AUTS2: variants seen among roughly 807,000 people sequenced by gnomAD.
AUTS2 encodes the protein activator of transcription and developmental regulator AUTS2.
Under a neutral mutation model 112.4 loss-of-function variants are expected in AUTS2, and 17 were observed. The observed-to-expected ratio is 0.15, with a 90% CI of 0.10 to 0.23. The LOEUF (loss-of-function observed/expected upper bound fraction) is 0.23, where lower values mean the gene tolerates loss of function less well. AUTS2 is among the 10% of genes least tolerant of loss of function. The probability of loss-of-function intolerance (pLI) is 1.00; values close to 1 mark genes in which losing one functional copy is unlikely to be tolerated. For missense variants in AUTS2, 1,510 were observed against 1,701.6 expected, an observed-to-expected ratio of 0.89 and a Z score of 1.98; for synonymous variants, 751 against 702.7, an observed-to-expected ratio of 1.07 and a Z score of -1.09.
chr7:70,049,129 G>A lies in AUTS2; in HGVS notation c.523-69003G>A, dbSNP rs188863826. Among the ~76,000 whole-genome samples, 220 of 152,168 alleles carry A rather than the reference G, an allele frequency of 1.4e-3. 1 individual carries two copies. The highest frequency in any genetic ancestry group is 5.0e-3 in the African/African-American group (208 of 41,500). ...TTTTGAGTGGGCTAGTTAAATAGAC[G>A]ACACTCCCATCATGCATTATTTAAC... On this transcript the variant is annotated intron_variant, in intron 2 of 18. Transcript: ENST00000342771.
In AUTS2 at chr7:70,426,622, G is replaced by A. The variant is rs1460027725; in HGVS notation, c.661-9130G>A. Among the ~76,000 whole-genome samples the A allele has an allele frequency of 2.0e-5, 3 of 152,224 alleles. No individual in the cohort carries two copies. The East Asian group carries it at 5.8e-4, about 29-fold the overall frequency. Reference sequence around the variant, plus strand: ...GTTGATTAAATCATCATCAAGTCGGGCCTCAGAAAGTCAATTCTGCTTGCC... The same window carrying A: ...GTTGATTAAATCATCATCAAGTCGGACCTCAGAAAGTCAATTCTGCTTGCC... On this transcript the variant is annotated intron_variant, in intron 4 of 18. Coordinates refer to ENST00000342771, the MANE Select transcript of AUTS2 (RefSeq NM_015570.4).
intron 2 of AUTS2, among the ~76,000 whole-genome samples, chr7:69,921,359 A>G (rs1470011892): frequency 1.4e-5 from 2 of 143,160 alleles, no homozygotes; most frequent in Non-Finnish European, 3.0e-5. Context: ...TTTTAACCGT[A>G]ATAACTAGGA....
intron 1 of AUTS2, among the ~76,000 whole-genome samples, chr7:69,653,598 T>C (rs1469822075): frequency 3.3e-5 from 5 of 151,898 alleles, no homozygotes; most frequent in Admixed American, 3.3e-4. Context: ...TTACTTTAAT[T>C]CTCTGTATGT....
At chr7:69,725,774 C>A (rs1786480163) in intron 1 of AUTS2, among the ~76,000 whole-genome samples, 1 of 152,150 alleles carries the variant, frequency 6.6e-6, no homozygotes, top group African/African-American at 2.4e-5. Flanking sequence ...ATTTCAGCAT[C>A]TCCTGAAATA....
intron 4 of AUTS2, among the ~76,000 whole-genome samples, chr7:70,152,180 C>T (rs756881959): frequency 2.0e-5 from 3 of 152,008 alleles, no homozygotes; most frequent in South Asian, 2.1e-4. Flanking sequence ...ACAGAGCATC[C>T]GTGAGCTGTG....
Position 69,688,455 on chromosome 7 carries a change from G to A in AUTS2, c.309+88493G>A, listed in dbSNP as rs190811881. Among the ~76,000 whole-genome samples the A allele has an allele frequency of 6.6e-5, 10 of 152,284 alleles. No homozygotes were observed. The East Asian group carries it at 1.9e-3, about 29-fold the overall frequency. On this transcript the variant is annotated intron_variant, in intron 1 of 18. Transcript: ENST00000342771. The stretch of plus-strand genomic sequence containing the variant: ...CAGGCTGTGCATAACAATATATTCT[G>A]CCCTTGGGAAGAGGGTTCATGTTTG...
At chr7:69,938,662 A>G (rs1796508855) in intron 2 of AUTS2, among the ~76,000 whole-genome samples, 1 of 152,208 alleles carries the variant, frequency 6.6e-6, no homozygotes, top group South Asian at 2.1e-4. Context: ...TAACCTAGGG[A>G]AGTGCAATGA....
chr7:70,472,506 T>G (rs914746609), intron 5 of AUTS2, among the ~76,000 whole-genome samples: 1 of 152,092 alleles, frequency 6.6e-6, no homozygotes, highest in South Asian at 2.1e-4. Flanking sequence ...ATGTTTACAT[T>G]GTAACTGATT....
intron 4 of AUTS2, among the ~76,000 whole-genome samples, chr7:70,169,655 T>C (rs1297160923): frequency 6.6e-6 from 1 of 152,214 alleles, no homozygotes. Flanking sequence ...TTTTTTAAAA[T>C]TATGAGTGCC....
At chr7:70,527,902 G>A (rs758840629) in intron 5 of AUTS2, among the ~76,000 whole-genome samples, 11 of 152,130 alleles carry the variant, frequency 7.2e-5, no homozygotes, top group African/African-American at 2.7e-4. Context: ...GAGACAAATT[G>A]TGTGGGCATT....
At chr7:69,927,685 G>A (rs1796076277) in intron 2 of AUTS2, among the ~76,000 whole-genome samples, 1 of 152,198 alleles carries the variant, frequency 6.6e-6, no homozygotes, top group South Asian at 2.1e-4. Flanking sequence ...GCAGGGTCTG[G>A]CCACTGCACA....
intron 3 of AUTS2, among the ~76,000 whole-genome samples, chr7:70,132,142 G>T (rs1333001753): frequency 8.5e-6 from 1 of 118,276 alleles, no homozygotes; most frequent in African/African-American, 3.2e-5. Context: ...AATCAAAACT[G>T]AATACCATGC....
At chr7:69,675,228 C>A (rs1478610128) in intron 1 of AUTS2, among the ~76,000 whole-genome samples, 1 of 152,198 alleles carries the variant, frequency 6.6e-6, no homozygotes, top group Non-Finnish European at 1.5e-5. Flanking sequence ...ATGTGGCCTA[C>A]TTCCTTGATG....
At chr7:69,896,108 T>C (rs1584407719) in intron 1 of AUTS2, among the ~76,000 whole-genome samples, 1 of 152,266 alleles carries the variant, frequency 6.6e-6, no homozygotes, top group Non-Finnish European at 1.5e-5. Flanking sequence ...TTATGGCAGC[T>C]ATTTTGGTTA....
rs1171795068 is a variant in AUTS2 at position 69,984,341 on chromosome 7, A to G, written c.522+84843A>G. Among the ~76,000 whole-genome samples the G allele has an allele frequency of 7.2e-4, 105 of 145,778 alleles. 1 individual carries two copies. Among genetic ancestry groups the G allele is most frequent in the Non-Finnish European group, 1.2e-4 (8 of 67,184 alleles). ...AGAATGGCGTGAACTCAGGAGGTGG[A>G]GCTTGCAGTGAGCCAAGATCACGCC... On this transcript the variant is annotated intron_variant, in intron 2 of 18. Transcript: ENST00000342771.
intron 1 of AUTS2, among the ~76,000 whole-genome samples, chr7:69,787,360 A>G (rs1789423255): frequency 1.3e-5 from 2 of 152,260 alleles, no homozygotes; most frequent in African/African-American, 2.4e-5. Flanking sequence ...TCATAGAAAG[A>G]TAGCCTAGTT....
At position 70,277,950 on chromosome 7, in the gene AUTS2, A is replaced by ATGTGTG. The variant is rs1562843853; in HGVS notation, c.660+143382_660+143383insGTGTGT. 7.9e-5 allele frequency among the ~76,000 whole-genome samples: 10 copies of ATGTGTG among 125,918 alleles called. No homozygotes were observed. The East Asian group carries it at 2.3e-3, about 29-fold the overall frequency. The allele number at this position is 125,918 out of a possible 152,430, so 82.6% of individuals were successfully genotyped here. ...TTTGTGTGTGTGTGTGTGTGTGTGT[A>ATGTGTG]TGTATGTATGTGTGTGTGTGTGTGT... On this transcript the variant is annotated intron_variant, in intron 4 of 18. Coordinates refer to ENST00000342771, the MANE Select transcript of AUTS2 (RefSeq NM_015570.4).
intron 1 of AUTS2, among the ~76,000 whole-genome samples, chr7:69,662,832 A>G (rs1446011862): frequency 6.6e-6 from 1 of 152,150 alleles, no homozygotes; most frequent in Non-Finnish European, 1.5e-5. Context: ...CAACCCTTAC[A>G]TTTTATGATT....
At chr7:69,800,841 T>C (rs1790050910) in intron 1 of AUTS2, among the ~76,000 whole-genome samples, 1 of 152,130 alleles carries the variant, frequency 6.6e-6, no homozygotes, top group African/African-American at 2.4e-5. Flanking sequence ...TGTTTTTCTT[T>C]CCAAGCCCTC....
Sources: allele counts gnomAD v4.1 joint callset (sites outside exome capture counted in the v4.1 genomes callset), GRCh38; gene constraint gnomAD v4.1.1; transcripts MANE v1.5; gene names NCBI Gene and HGNC (gene_info 2026-07-23, HGNC 2026-07-21).